The following ATP6V1E1 variants were observed in gnomAD, a reference collection of about 807,000 sequenced individuals.
The protein encoded by ATP6V1E1 is V-type proton ATPase subunit E 1.
A neutral mutation model predicts 35.2 loss-of-function variants in ATP6V1E1; 21 were observed. The observed-to-expected ratio is 0.60, with a 90% CI of 0.42 to 0.86. The LOEUF (loss-of-function observed/expected upper bound fraction) is 0.86, where lower values mean the gene tolerates loss of function less well. ATP6V1E1 is among the 40% of genes least tolerant of loss of function. The pLI, the probability that ATP6V1E1 is intolerant of heterozygous loss-of-function variation, is 0.00. For synonymous variants in ATP6V1E1, 83 were observed against 87.8 expected, an observed-to-expected ratio of 0.95 and a Z score of 0.30; for missense variants, 183 against 272.6, an observed-to-expected ratio of 0.67 and a Z score of 2.32.
Position 17,606,954 on chromosome 22 carries a change from A to G in ATP6V1E1, c.277-5773T>C, listed in dbSNP as rs559681520. 2.6e-5 allele frequency among the ~76,000 whole-genome samples: 4 copies of G among 152,224 alleles called. No homozygotes were observed. The South Asian group carries it at 8.3e-4, about 32-fold the overall frequency. The stretch of plus-strand genomic sequence containing the variant: ...ACATTTCCTTAGCAATTTATTTTCT[A>G]TTAAATCTGATGCTTCTCAGTTTTT... On this transcript the variant is annotated intron_variant, in intron 4 of 8. Coordinates refer to ENST00000253413, the MANE Select transcript of ATP6V1E1 (RefSeq NM_001696.4).
At chr22:17,595,596 G>T (rs1429460155) in intron 7 of ATP6V1E1, among the ~76,000 whole-genome samples, 1 of 152,170 alleles carries the variant, frequency 6.6e-6, no homozygotes, top group Non-Finnish European at 1.5e-5. Flanking sequence ...TTGGGAGGCC[G>T]AGGTGCTCCC....
intron 1 of ATP6V1E1, among the ~76,000 whole-genome samples, chr22:17,621,140 T>A (rs2057875117): frequency 6.6e-6 from 1 of 152,122 alleles, no homozygotes. Context: ...CATCATCTCC[T>A]CTCAGCTAAA....
In ATP6V1E1 at chr22:17,613,288, C is replaced by A; in HGVS notation, c.132G>T (p.Arg44=). 12 of 1,613,762 alleles carry A rather than the reference C, an allele frequency of 7.4e-6. No individual in the cohort carries two copies. The highest frequency in any genetic ancestry group is 1.0e-5 in the Non-Finnish European group (12 of 1,179,950). ...AEEEFNIEKG[R]LVQTQRLKIM... ...TCTTTAGTCTTTGGGTTTGCACAAG[C>A]CGACCTTTCTCTATGTTGAACTCTT... The change falls in exon 3 of 9, where the codon CGG becomes CGT. Residue 44 remains arginine (R), a synonymous_variant. Transcript: ENST00000253413.
At chr22:17,594,406 T>G (rs777399205) in intron 8 of ATP6V1E1, 123 bp downstream of exon 8, 8 of 788,572 alleles carry the variant, frequency 1.0e-5, no homozygotes, top group Non-Finnish European at 1.5e-5. Flanking sequence ...TCATTCTTTT[T>G]GAGAAAATGT....
intron 3 of ATP6V1E1, 103 bp downstream of exon 3, chr22:17,613,108 G>A (rs1568888937): frequency 1.0e-6 from 1 of 972,886 alleles, no homozygotes; most frequent in East Asian, 2.5e-5. Context: ...TTAGTAGTAG[G>A]TGGTCGAGTT....
At chr22:17,602,824 G>C (rs1305524230) in intron 4 of ATP6V1E1, among the ~76,000 whole-genome samples, 1 of 152,144 alleles carries the variant, frequency 6.6e-6, no homozygotes, top group African/African-American at 2.4e-5. Flanking sequence ...AAACAAACAA[G>C]ATTTAATGCC....
intron 4 of ATP6V1E1, among the ~76,000 whole-genome samples, chr22:17,604,668 C>T (rs2057776671): frequency 6.6e-6 from 1 of 151,962 alleles, no homozygotes; most frequent in Non-Finnish European, 1.5e-5. Context: ...TACAGGTGCA[C>T]ACCACCATGC....
chr22:17,610,803 C>A (rs985317160), intron 4 of ATP6V1E1, among the ~76,000 whole-genome samples: 1 of 152,182 alleles, frequency 6.6e-6, no homozygotes, highest in Admixed American at 6.5e-5. Flanking sequence ...TTTATCTACA[C>A]AGGCCTATTA....
chr22:17,619,259 T>C (rs1411816372), intron 2 of ATP6V1E1: 2 of 575,058 alleles, frequency 3.5e-6, no homozygotes, highest in South Asian at 4.0e-5. Context: ...GCCATTGCAC[T>C]TCAGCCTGGG....
intron 4 of ATP6V1E1, among the ~76,000 whole-genome samples, chr22:17,604,494 A>G (rs1432268651): frequency 2.6e-5 from 4 of 151,930 alleles, no homozygotes; most frequent in Non-Finnish European, 5.9e-5. Flanking sequence ...CCTAGTCTGA[A>G]GAGTCAGTGG....
At chr22:17,610,529 T>TA (rs1455586534) in intron 4 of ATP6V1E1, among the ~76,000 whole-genome samples, 1 of 152,128 alleles carries the variant, frequency 6.6e-6, no homozygotes, top group Non-Finnish European at 1.5e-5. Context: ...ACAAACCAAA[T>TA]AAAAAACCTA....
At chr22:17,602,345 G>A (rs1235851092) in intron 4 of ATP6V1E1, among the ~76,000 whole-genome samples, 1 of 145,346 alleles carries the variant, frequency 6.9e-6, no homozygotes, top group Non-Finnish European at 1.5e-5. Flanking sequence ...CATTTGTTAA[G>A]TAATAAGGCT....
chr22:17,592,919 A>G (rs1031355497), intron 8 of ATP6V1E1, among the ~76,000 whole-genome samples, 183 bp from the exon 9 acceptor site: 5 of 151,274 alleles, frequency 3.3e-5, no homozygotes, highest in Admixed American at 2.0e-4. Flanking sequence ...TCCCAAGTAG[A>G]TGGGACTACA....
At chr22:17,600,993 A>G in intron 5 of ATP6V1E1, 99 bp downstream of exon 5, 2 of 1,013,028 alleles carry the variant, frequency 2.0e-6, no homozygotes, top group Non-Finnish European at 2.9e-6. Context: ...AAAACTAGAG[A>G]AATGAGAAAG....
chr22:17,624,624 G>A (rs1240373771), intron 1 of ATP6V1E1, among the ~76,000 whole-genome samples: 1 of 152,106 alleles, frequency 6.6e-6, no homozygotes, highest in Non-Finnish European at 1.5e-5. Flanking sequence ...TTCAAGACCA[G>A]CCTGGCCAAC....
Position 17,592,766 on chromosome 22 carries a change from A to G in ATP6V1E1, c.619-30T>C, listed in dbSNP as rs73876475. On this transcript the variant is annotated intron_variant, in intron 8 of 8. Coordinates refer to ENST00000253413, the MANE Select transcript of ATP6V1E1 (RefSeq NM_001696.4). ...GGAGAGAAAGTGTAATAAATACGCA[A>G]TGTCAGCTGAAGAAGTTGTAGAGCG... 1.7e-3 allele frequency: 2,616 copies of G among 1,559,882 alleles called. 32 individuals carry two copies. In the African/African-American group the frequency reaches 0.026, roughly 16 times the overall value.
intron 1 of ATP6V1E1, among the ~76,000 whole-genome samples, chr22:17,624,634 C>A (rs895480778): frequency 6.6e-6 from 1 of 152,054 alleles, no homozygotes; most frequent in South Asian, 2.1e-4. Context: ...GCCTGGCCAA[C>A]GTGGCGAATT....
chr22:17,625,992 T>C (rs77825482), intron 1 of ATP6V1E1, among the ~76,000 whole-genome samples: 3,349 of 152,034 alleles, frequency 0.022, 110 homozygotes, highest in African/African-American at 0.074. Context: ...CCGTTAGGCA[T>C]TGAGGCTCCT....
At chr22:17,614,427 C>T (rs2057831571) in intron 2 of ATP6V1E1, among the ~76,000 whole-genome samples, 2 of 152,036 alleles carry the variant, frequency 1.3e-5, no homozygotes, top group Admixed American at 6.6e-5. Flanking sequence ...GGGGCTGAGG[C>T]GGGCAGATCA....
Sources: gnomAD v4.1 joint callset for allele counts (sites outside exome capture counted in the v4.1 genomes callset) on GRCh38, gnomAD v4.1.1 for gene constraint, MANE v1.5 for transcripts, NCBI Gene and HGNC (gene_info 2026-07-23, HGNC 2026-07-21) for gene names.